Variants in SUGCT observed in about 807,000 individuals in gnomAD.
SUGCT encodes succinyl-CoA:glutarate CoA-transferase.
Under a neutral mutation model 55.0 loss-of-function variants are expected in SUGCT, and 41 were observed. That is an observed-to-expected ratio of 0.74 (90% CI 0.58 to 0.97). SUGCT has a LOEUF of 0.97. SUGCT is among the 50% of genes least tolerant of loss of function. SUGCT has a pLI of 0.00. For synonymous variants in SUGCT, 187 were observed against 200.4 expected (o/e 0.93, Z 0.56); for missense variants, 568 against 547.8 (o/e 1.04, Z -0.37).
intron 12 of SUGCT, among the ~76,000 whole-genome samples, chr7:40,697,750 G>T (rs1784997246): frequency 1.3e-5 from 2 of 152,168 alleles, no homozygotes; most frequent in South Asian, 4.1e-4. Flanking sequence ...AGCTACTGGA[G>T]AACAGGGACA....
intron 8 of SUGCT, among the ~76,000 whole-genome samples, chr7:40,314,813 C>T (rs987012998): frequency 6.6e-6 from 1 of 152,110 alleles, no homozygotes; most frequent in Admixed American, 6.6e-5. Flanking sequence ...ATCCACCTGC[C>T]TCGGCCTCCC....
intron 12 of SUGCT, among the ~76,000 whole-genome samples, chr7:40,595,461 A>G (rs1797960162): frequency 6.6e-6 from 1 of 152,200 alleles, no homozygotes; most frequent in Non-Finnish European, 1.5e-5. Context: ...GGAGCATTTA[A>G]TTGACACGTT....
At chr7:40,895,371 A>G in the SUGCT span, among the ~76,000 whole-genome samples, 2 of 152,126 alleles carry the variant, frequency 1.3e-5, no homozygotes, top group Non-Finnish European at 2.9e-5. Context: ...TACTATGTTT[A>G]TTACTGAGTG....
In SUGCT at chr7:40,648,725, C is replaced by A. The variant is rs138071189; in HGVS notation, c.1090-100709C>A. Among the ~76,000 whole-genome samples, 506 of 152,286 alleles carry A rather than the reference C, an allele frequency of 3.3e-3. 8 individuals are homozygous for A. The highest frequency in any genetic ancestry group is 0.031 in the East Asian group (159 of 5,176). ...GCCCTGTGAAGGTGAAGGCAGGAAT[C>A]GAAGTGTTATTGCTACTTTATTTCA... On this transcript the variant is annotated intron_variant, in intron 12 of 13. Coordinates refer to ENST00000335693, the MANE Select transcript of SUGCT (RefSeq NM_001193313.2).
intron 12 of SUGCT, among the ~76,000 whole-genome samples, chr7:40,685,542 A>T (rs987355775): frequency 1.3e-5 from 2 of 152,210 alleles, no homozygotes; most frequent in Non-Finnish European, 2.9e-5. Context: ...AATCGGCCAG[A>T]TGCCAGTCCT....
At chr7:40,507,119 G>A (rs906809368) in intron 12 of SUGCT, among the ~76,000 whole-genome samples, 1 of 151,996 alleles carries the variant, frequency 6.6e-6, no homozygotes, top group Non-Finnish European at 1.5e-5. Flanking sequence ...ACTGTGCTTT[G>A]TGTGTCTCAT....
At chr7:40,160,377 C>T (rs551489604) in intron 1 of SUGCT, among the ~76,000 whole-genome samples, 1 of 152,164 alleles carries the variant, frequency 6.6e-6, no homozygotes, top group African/African-American at 2.4e-5. Context: ...TACAGGCATA[C>T]GCCACCATGC....
intron 8 of SUGCT, among the ~76,000 whole-genome samples, chr7:40,287,157 G>T (rs1289504190): frequency 1.3e-5 from 2 of 152,058 alleles, no homozygotes; most frequent in African/African-American, 4.8e-5. Flanking sequence ...ATTGTGATCA[G>T]CATTGAGCGA....
At chr7:40,346,444 T>C (rs556974986) in intron 9 of SUGCT, among the ~76,000 whole-genome samples, 1 of 152,304 alleles carries the variant, frequency 6.6e-6, no homozygotes, top group South Asian at 2.1e-4. Flanking sequence ...ATAGGGAATA[T>C]AGGTACAGAC....
At chr7:40,469,055 T>C (rs189254217) in intron 11 of SUGCT, among the ~76,000 whole-genome samples, 1 of 152,308 alleles carries the variant, frequency 6.6e-6, no homozygotes, top group Non-Finnish European at 1.5e-5. Flanking sequence ...CCATCCACTC[T>C]CCCATATCTA....
rs530828967 is a variant in SUGCT, at chr7:40,330,384, G to A, written c.816+13529G>A. 2.0e-5 allele frequency among the ~76,000 whole-genome samples: 3 copies of A among 152,276 alleles called. No individual in the cohort carries two copies. In the South Asian group the frequency reaches 6.2e-4, roughly 32 times the overall value. On this transcript the variant is annotated intron_variant, in intron 9 of 13. Transcript: ENST00000335693. ...AGGGAGAAGATATACATTTAGAGAT[G>A]TATGAGGTTCCTAGGAAAGGTCCTG...
At chr7:40,197,673 T>G (rs1786366280) in intron 6 of SUGCT, among the ~76,000 whole-genome samples, 2 of 152,176 alleles carry the variant, frequency 1.3e-5, no homozygotes. Context: ...TGCTAACAAA[T>G]GGAGTATTTG....
intron 1 of SUGCT, among the ~76,000 whole-genome samples, chr7:40,175,602 A>G (rs1040730644): frequency 5.3e-5 from 8 of 152,160 alleles, no homozygotes; most frequent in Non-Finnish European, 1.0e-4. Flanking sequence ...CTGCAGCACT[A>G]TAACTCATGC....
intron 7 of SUGCT, among the ~76,000 whole-genome samples, chr7:40,256,411 A>G (rs1353272341): frequency 2.6e-5 from 4 of 152,210 alleles, no homozygotes; most frequent in African/African-American, 7.2e-5. Context: ...GGTCAGCTAC[A>G]GCTGATTTAT....
intron 13 of SUGCT, among the ~76,000 whole-genome samples, chr7:40,773,325 C>T (rs563031006): frequency 1.3e-5 from 2 of 152,232 alleles, no homozygotes; most frequent in African/African-American, 2.4e-5. Context: ...GAAGGGGTTT[C>T]ACCATGTTGG....
At chr7:40,858,753 A>G (rs1057220407) in intron 13 of SUGCT, among the ~76,000 whole-genome samples, 6 of 152,214 alleles carry the variant, frequency 3.9e-5, no homozygotes, top group Non-Finnish European at 8.8e-5. Flanking sequence ...TTGAAAAGGT[A>G]GTCATGCACT....
intron 6 of SUGCT, among the ~76,000 whole-genome samples, chr7:40,200,612 CTG>C (rs780039256): frequency 1.2e-4 from 19 of 152,112 alleles, no homozygotes; most frequent in Middle Eastern, 3.4e-3. Context: ...ACACTAAAAA[CTG>C]AGAGCAGTAT....
At chr7:40,331,653 T>G (rs1796316689) in intron 9 of SUGCT, among the ~76,000 whole-genome samples, 1 of 152,200 alleles carries the variant, frequency 6.6e-6, no homozygotes, top group South Asian at 2.1e-4. Flanking sequence ...CCAGGAGTCC[T>G]TGTTCCTATA....
intron 7 of SUGCT, among the ~76,000 whole-genome samples, chr7:40,268,792 C>T (rs929964908): frequency 1.3e-5 from 2 of 152,036 alleles, no homozygotes; most frequent in African/African-American, 2.4e-5. Flanking sequence ...GCGTGCACCA[C>T]CGTGCCCGGT....
Sources: gnomAD v4.1 joint callset for allele counts (sites outside exome capture counted in the v4.1 genomes callset) on GRCh38, gnomAD v4.1.1 for gene constraint, MANE v1.5 for transcripts, NCBI Gene and HGNC (gene_info 2026-07-23, HGNC 2026-07-21) for gene names.